Variants in SGCZ observed in about 807,000 individuals in gnomAD.
SGCZ encodes zeta-sarcoglycan.
In SGCZ, 40 loss-of-function variants were observed where a neutral mutation model predicts 41.3. The ratio of observed to expected loss-of-function variants is 0.97; its 90% CI spans 0.75 to 1.26. SGCZ has a LOEUF of 1.26. Among genes scored for constraint, SGCZ ranks in the 50% most tolerant of loss-of-function variants. The pLI, the probability that SGCZ is intolerant of heterozygous loss-of-function variation, is 0.00. For synonymous variants in SGCZ, 206 were observed against 137.5 expected (o/e 1.50, Z -3.49); for missense variants, 552 against 369.8 (o/e 1.49, Z -4.04).
intron 1 of SGCZ, among the ~76,000 whole-genome samples, chr8:14,596,165 C>A (rs909744064): frequency 3.4e-4 from 51 of 152,178 alleles, no homozygotes; most frequent in African/African-American, 1.1e-3. Context: ...TATTTGTAGG[C>A]CTTTCATTTT....
chr8:15,228,769 G>A (rs567575293), intron 1 of SGCZ, among the ~76,000 whole-genome samples: 4 of 152,310 alleles, frequency 2.6e-5, no homozygotes, highest in East Asian at 3.9e-4. Flanking sequence ...TAGGTATATA[G>A]TGGGTTTCAT....
chr8:14,398,231 A>G (rs892789829), intron 2 of SGCZ, among the ~76,000 whole-genome samples: 2 of 152,128 alleles, frequency 1.3e-5, no homozygotes, highest in African/African-American at 4.8e-5. Context: ...GGAAGGTGGG[A>G]GAGTTATTCG....
intron 3 of SGCZ, among the ~76,000 whole-genome samples, chr8:14,320,704 T>C (rs1304876498): frequency 6.6e-6 from 1 of 152,050 alleles, no homozygotes; most frequent in East Asian, 1.9e-4. Flanking sequence ...TGTGCTTAAC[T>C]GTGGAGTTAC....
At chr8:14,551,507 T>TAATATATAA (rs1803830324) in intron 2 of SGCZ, among the ~76,000 whole-genome samples, 9 of 5,222 alleles carry the variant, frequency 1.7e-3, no homozygotes, top group Non-Finnish European at 2.5e-3. Context: ...ATTATATATA[T>TAATATATAA]TATATATATT....
intron 2 of SGCZ, among the ~76,000 whole-genome samples, chr8:14,460,716 G>C (rs1800878361): frequency 6.6e-6 from 1 of 152,168 alleles, no homozygotes; most frequent in African/African-American, 2.4e-5. Flanking sequence ...GATCAAGAAA[G>C]ACAAGTGTGT....
intron 2 of SGCZ, among the ~76,000 whole-genome samples, chr8:14,372,279 T>G (rs1803940990): frequency 6.6e-6 from 1 of 152,154 alleles, no homozygotes; most frequent in South Asian, 2.1e-4. Context: ...TGCTATAGGT[T>G]GAAGGTTTTA....
chr8:14,731,278 C>T (rs1810230283), intron 1 of SGCZ, among the ~76,000 whole-genome samples: 2 of 148,712 alleles, frequency 1.3e-5, no homozygotes, highest in Admixed American at 1.3e-4. Flanking sequence ...AGCAAACTAA[C>T]ACAGGAACAG....
intron 1 of SGCZ, among the ~76,000 whole-genome samples, chr8:15,148,325 G>A (rs1308062564): frequency 6.6e-6 from 1 of 152,160 alleles, no homozygotes; most frequent in Non-Finnish European, 1.5e-5. Flanking sequence ...ATCAGGTTCA[G>A]GAGCTCACTG....
At chr8:14,313,322 A>G (rs185989561) in intron 3 of SGCZ, among the ~76,000 whole-genome samples, 1 of 152,078 alleles carries the variant, frequency 6.6e-6, no homozygotes, top group Non-Finnish European at 1.5e-5. Flanking sequence ...TAAATTAATT[A>G]ATTTATTTAT....
intron 4 of SGCZ, among the ~76,000 whole-genome samples, chr8:14,201,670 T>C (rs923448489): frequency 5.3e-5 from 8 of 152,194 alleles, no homozygotes; most frequent in African/African-American, 1.7e-4. Flanking sequence ...GCATAATGTA[T>C]TTGTTTGATA....
intron 1 of SGCZ, among the ~76,000 whole-genome samples, chr8:15,171,305 CAG>C (rs1799821861): frequency 6.6e-6 from 1 of 152,212 alleles, no homozygotes; most frequent in African/African-American, 2.4e-5. Flanking sequence ...CAATTCCCAG[CAG>C]AGTTACTCAA....
At chr8:14,550,366 T>A (rs1409244560) in intron 2 of SGCZ, among the ~76,000 whole-genome samples, 1 of 149,792 alleles carries the variant, frequency 6.7e-6, no homozygotes, top group East Asian at 1.9e-4. Flanking sequence ...ATTTATTTTA[T>A]ATAAAATTTA....
At chr8:15,021,843 A>G (rs534029764) in intron 1 of SGCZ, among the ~76,000 whole-genome samples, 1 of 152,328 alleles carries the variant, frequency 6.6e-6, no homozygotes, top group Non-Finnish European at 1.5e-5. Context: ...CCTTCTAGAT[A>G]CACCTTGACC....
At chr8:14,754,898 C>T (rs1197033693) in intron 1 of SGCZ, among the ~76,000 whole-genome samples, 1 of 152,024 alleles carries the variant, frequency 6.6e-6, no homozygotes, top group Non-Finnish European at 1.5e-5. Context: ...ATTATTTTTT[C>T]TTTCTATTTA....
At chr8:14,263,324 G>T (rs553369436) in intron 3 of SGCZ, among the ~76,000 whole-genome samples, 1 of 151,996 alleles carries the variant, frequency 6.6e-6, no homozygotes, top group African/African-American at 2.4e-5. Context: ...TGATTCAGGC[G>T]GATCACTTGA....
intron 1 of SGCZ, among the ~76,000 whole-genome samples, chr8:14,669,385 G>GTAAGTAAGTAAGTAAGTAAGTAAGTAAA (rs1465447907): frequency 2.0e-4 from 11 of 55,124 alleles, no homozygotes; most frequent in African/African-American, 1.6e-3. Context: ...AAGTAAGTAA[G>GTAAGTAAGTAAGTAAGTAAGTAAGTAAA]TAAATAAATA....
Position 14,504,962 on chromosome 8 carries a change from G to A in SGCZ, c.234+49770C>T, listed in dbSNP as rs540847963. ...TGTGTTATGGCTATTTATAATGTCT[G>A]AACTGTCTGTTGCATTGCTTTTTTC... is the stretch of plus-strand genomic sequence containing the variant. On this transcript the variant is annotated intron_variant, in intron 2 of 7. Coordinates refer to ENST00000382080, the MANE Select transcript of SGCZ (RefSeq NM_139167.4). Among the ~76,000 whole-genome samples, 3 of 152,162 alleles carry A rather than the reference G, an allele frequency of 2.0e-5. No homozygotes were observed. The East Asian group carries it at 5.8e-4, about 29-fold the overall frequency.
intron 1 of SGCZ, among the ~76,000 whole-genome samples, chr8:14,889,411 C>T (rs181505485): frequency 7.4e-4 from 113 of 152,018 alleles, no homozygotes; most frequent in African/African-American, 1.7e-3. Flanking sequence ...GAGAATAAAA[C>T]GCCTAATTAG....
At chr8:15,066,024 T>G (rs1019308282) in intron 1 of SGCZ, among the ~76,000 whole-genome samples, 1 of 152,208 alleles carries the variant, frequency 6.6e-6, no homozygotes, top group Non-Finnish European at 1.5e-5. Context: ...GAAGTCCACC[T>G]TGGGCCGGGC....
Sources: gnomAD v4.1 joint callset for allele counts (sites outside exome capture counted in the v4.1 genomes callset) on GRCh38, gnomAD v4.1.1 for gene constraint, MANE v1.5 for transcripts, NCBI Gene and HGNC (gene_info 2026-07-23, HGNC 2026-07-21) for gene names.